Variants in ZPLD1 observed in about 807,000 individuals in gnomAD.
ZPLD1 encodes the protein zona pellucida-like domain-containing protein 1.
A neutral mutation model predicts 47.2 loss-of-function variants in ZPLD1; 34 were observed. The ratio of observed to expected loss-of-function variants is 0.72; its 90% CI spans 0.55 to 0.96. The LOEUF is 0.96. Among genes scored for constraint, ZPLD1 ranks in the 40% least tolerant of loss-of-function variants. The pLI is 0.00. For missense variants in ZPLD1, 512 were observed against 505.8 expected (o/e 1.01, Z -0.12); for synonymous variants, 176 against 186.2 (o/e 0.95, Z 0.45).
intron 3 of ZPLD1, among the ~76,000 whole-genome samples, chr3:102,448,173 G>A (rs1302683677): frequency 6.6e-6 from 1 of 152,062 alleles, no homozygotes; most frequent in African/African-American, 2.4e-5. Flanking sequence ...TAATATCAGG[G>A]GAAAAACATT....
upstream of ZPLD1, among the ~76,000 whole-genome samples, chr3:102,433,683 C>A (rs777659187): frequency 2.0e-5 from 3 of 152,228 alleles, no homozygotes; most frequent in East Asian, 5.8e-4. Flanking sequence ...CCCGCCACCA[C>A]GCCCGGCTAA....
intron 7 of ZPLD1, among the ~76,000 whole-genome samples, chr3:102,404,234 T>C (rs1303364230): frequency 6.6e-6 from 1 of 151,984 alleles, no homozygotes; most frequent in African/African-American, 2.4e-5. Context: ...ACTCATTGGA[T>C]ATGCGTGTAA....
chr3:102,427,553 G>A (rs1325845259), intron 8 of ZPLD1, among the ~76,000 whole-genome samples: 1 of 152,146 alleles, frequency 6.6e-6, no homozygotes, highest in Admixed American at 6.6e-5. Context: ...CAGGTCCCAG[G>A]GAGTGTATTA....
intron 11 of ZPLD1, 57 bp from the exon 12 acceptor site, chr3:102,477,386 A>T (rs1707773748): frequency 6.4e-7 from 1 of 1,553,018 alleles, no homozygotes; most frequent in African/African-American, 1.4e-5. Flanking sequence ...AATTGGGTCA[A>T]GGTGAGATAA....
chr3:102,385,197 A>C (rs937939681), exon 6 of ZPLD1: 1 of 152,200 alleles, frequency 6.6e-6, no homozygotes, highest in African/African-American at 2.4e-5. Context: ...AAAAGTCTCC[A>C]CATTTGTCCA....
chr3:102,465,178 T>C (rs1707572037), intron 8 of ZPLD1, among the ~76,000 whole-genome samples: 1 of 152,336 alleles, frequency 6.6e-6, no homozygotes, highest in South Asian at 2.1e-4. Flanking sequence ...TTGGGAAATA[T>C]AGTTTAAAAT....
At chr3:102,414,619 A>T (rs1429762618) in intron 7 of ZPLD1, among the ~76,000 whole-genome samples, 1 of 151,884 alleles carries the variant, frequency 6.6e-6, no homozygotes, top group Non-Finnish European at 1.5e-5. Context: ...GTTACCTAGT[A>T]AAGCTAGTTC....
At chr3:102,444,661 T>C (rs2107326577) in intron 3 of ZPLD1, among the ~76,000 whole-genome samples, 1 of 152,288 alleles carries the variant, frequency 6.6e-6, no homozygotes, top group East Asian at 1.9e-4. Flanking sequence ...AAAAAGATGG[T>C]ATAAATTAGT....
chr3:102,402,408 T>C (rs1304475033), intron 7 of ZPLD1, among the ~76,000 whole-genome samples: 1 of 152,052 alleles, frequency 6.6e-6, no homozygotes, highest in Non-Finnish European at 1.5e-5. Context: ...GAACATCAAC[T>C]AAACTTTTTT....
At chr3:102,395,307 G>A (rs1260639026) in intron 7 of ZPLD1, among the ~76,000 whole-genome samples, 4 of 152,026 alleles carry the variant, frequency 2.6e-5, no homozygotes, top group Non-Finnish European at 5.9e-5. Flanking sequence ...TAAATAATTA[G>A]CAGATGTGAT....
chr3:102,409,082 T>TTTACTTGGC (rs1408883876), intron 7 of ZPLD1, among the ~76,000 whole-genome samples: 51 of 151,722 alleles, frequency 3.4e-4, no homozygotes, highest in African/African-American at 1.2e-3. Flanking sequence ...ACAATAGGAG[T>TTTACTTGGC]TTACTTGGCT....
chr3:102,395,962 C>A (rs963442530), intron 7 of ZPLD1, among the ~76,000 whole-genome samples: 7 of 152,106 alleles, frequency 4.6e-5, no homozygotes, highest in Non-Finnish European at 1.0e-4. Flanking sequence ...TCTTGACATG[C>A]TGCTTTTAAT....
intron 7 of ZPLD1, among the ~76,000 whole-genome samples, chr3:102,415,629 C>T (rs1706796672): frequency 6.6e-6 from 1 of 151,754 alleles, no homozygotes. Flanking sequence ...ATCTGCTTTT[C>T]CCATATTGAA....
At chr3:102,411,777 G>A (rs1318898098) in intron 7 of ZPLD1, among the ~76,000 whole-genome samples, 1 of 151,852 alleles carries the variant, frequency 6.6e-6, no homozygotes, top group Admixed American at 6.6e-5. Context: ...TAGGAGAGAT[G>A]GAGTTTAGCA....
chr3:102,449,310 G>T lies in ZPLD1; in HGVS notation c.107-3609G>T, dbSNP rs555110438. On this transcript the variant is annotated intron_variant, in intron 3 of 11. Coordinates refer to ENST00000466937, the MANE Select transcript of ZPLD1 (RefSeq NM_001329788.2). The stretch of plus-strand genomic sequence containing the variant: ...TCTACGCTACTCCATAGCTCTCCAC[G>T]CAATCTTTCTGTCAATGTGGGTCAC... 2.0e-5 allele frequency among the ~76,000 whole-genome samples: 3 copies of T among 152,248 alleles called. No individual in the cohort carries two copies. The South Asian group carries it at 6.2e-4, about 32-fold the overall frequency.
chr3:102,449,359 T>C (rs1707303297), intron 3 of ZPLD1, among the ~76,000 whole-genome samples: 2 of 152,244 alleles, frequency 1.3e-5, no homozygotes, highest in Admixed American at 6.5e-5. Context: ...TCTCCTCTAA[T>C]GGACTGTAAT....
chr3:102,414,915 A>C (rs1323484849), intron 7 of ZPLD1, among the ~76,000 whole-genome samples: 2 of 151,944 alleles, frequency 1.3e-5, no homozygotes, highest in Admixed American at 1.3e-4. Context: ...CAATACAATA[A>C]AACTTTAGCC....
At chr3:102,464,049 C>CAA (rs1004912958) in intron 7 of ZPLD1, 122 bp from the exon 8 acceptor site, 2 of 745,466 alleles carry the variant, frequency 2.7e-6, no homozygotes, top group African/African-American at 3.6e-5. Flanking sequence ...GACTCCGTCT[C>CAA]AAAAAAAGAA....
At chr3:102,465,912 G>A (rs370670686) in intron 8 of ZPLD1, among the ~76,000 whole-genome samples, 6 of 152,202 alleles carry the variant, frequency 3.9e-5, no homozygotes, top group Admixed American at 2.6e-4. Flanking sequence ...TGCTGAGGGG[G>A]TCTTAAGGGA....
Sources: allele counts gnomAD v4.1 joint callset (sites outside exome capture counted in the v4.1 genomes callset), GRCh38; gene constraint gnomAD v4.1.1; transcripts MANE v1.5; gene names NCBI Gene and HGNC (gene_info 2026-07-23, HGNC 2026-07-21).